ARMH4: variants seen among roughly 807,000 people sequenced by gnomAD.
The protein encoded by ARMH4 is armadillo-like helical domain-containing protein 4.
Under a neutral mutation model 61.9 loss-of-function variants are expected in ARMH4, and 49 were observed. The ratio of observed to expected loss-of-function variants is 0.79; its 90% confidence interval spans 0.63 to 1.00. The LOEUF is 1.00. Ranked by LOEUF, ARMH4 falls within the 50% of genes least tolerant of loss-of-function variation. The probability of loss-of-function intolerance (pLI) is 0.00; values close to 1 mark genes in which losing one functional copy is unlikely to be tolerated. For synonymous variants in ARMH4, 368 were observed against 341.5 expected (o/e 1.08, Z -0.85); for missense variants, 934 against 930.0 (o/e 1.00, Z -0.06).
intron 5 of ARMH4, among the ~76,000 whole-genome samples, chr14:58,082,895 C>G (rs6573188): frequency 0.43 from 65,991 of 151,950 alleles, 14,551 homozygotes; most frequent in Non-Finnish European, 0.46. Context: ...CTCCATCCAG[C>G]TGGGGTCATG....
intron 4 of ARMH4, chr14:58,116,423 C>A: frequency 2.5e-6 from 1 of 393,592 alleles, no homozygotes; most frequent in Non-Finnish European, 5.3e-6. Context: ...ACTTGTAATT[C>A]CAACACTTTG....
intron 5 of ARMH4, among the ~76,000 whole-genome samples, chr14:58,019,401 G>T (rs1056992306): frequency 6.6e-6 from 1 of 151,988 alleles, no homozygotes; most frequent in Non-Finnish European, 1.5e-5. Flanking sequence ...ATTTTTATTT[G>T]TCAATTAAAA....
At chr14:58,093,053 A>C (rs1885627578) in intron 5 of ARMH4, among the ~76,000 whole-genome samples, 1 of 152,000 alleles carries the variant, frequency 6.6e-6, no homozygotes, top group African/African-American at 2.4e-5. Flanking sequence ...GTAATGAGGG[A>C]GTTCTCACAA....
At position 58,139,293 on chromosome 14, in the gene ARMH4, G is replaced by A. The variant is rs1410733453; in HGVS notation, c.66C>T (p.Ala22=). ...TTTTGGGGAAGGCCAGACATTGTGT[G>A]GCAACGCTGAAAAGCAGAAGGCTAC... The part of the protein sequence containing the change: ...AFCSLLLFSV[A]TQCLAFPKIE... Residue 22 remains alanine (A), a synonymous_variant, in exon 2 of 8, where the codon GCC becomes GCT. Transcript: ENST00000267485. 1 of 1,614,160 alleles carries A rather than the reference G, an allele frequency of 6.2e-7. No individual in the cohort carries two copies. Among genetic ancestry groups the A allele is most frequent in the Non-Finnish European group, 8.5e-7 (1 of 1,180,020 alleles).
intron 4 of ARMH4, among the ~76,000 whole-genome samples, chr14:58,113,567 T>C (rs1023065855): frequency 6.6e-6 from 1 of 152,118 alleles, no homozygotes; most frequent in Non-Finnish European, 1.5e-5. Context: ...ATTACCACTA[T>C]GAATCCTATC....
intron 3 of ARMH4, among the ~76,000 whole-genome samples, chr14:58,132,459 C>T (rs181522412): frequency 6.8e-6 from 1 of 148,000 alleles, no homozygotes; most frequent in Non-Finnish European, 1.5e-5. Context: ...TTTTTCACCT[C>T]ATCCCCCCCG....
rs568813656 is a variant in ARMH4, at chr14:58,098,401, G to T, written c.1832-1420C>A. On this transcript the variant is annotated intron_variant, in intron 4 of 7. Coordinates refer to ENST00000267485, the MANE Select transcript of ARMH4 (RefSeq NM_001001872.4). ...GCAATAACGTCTCTGCCTTCGTGGA[G>T]CCCATGTGCCACCCAGGGAGACTCA... Among the ~76,000 whole-genome samples, 101 of 152,282 alleles carry T rather than the reference G, an allele frequency of 6.6e-4. No homozygotes were observed. The South Asian group carries it at 0.018, about 27-fold the overall frequency.
intron 5 of ARMH4, among the ~76,000 whole-genome samples, chr14:58,069,526 G>A (rs1428504710): frequency 6.6e-6 from 1 of 152,188 alleles, no homozygotes; most frequent in African/African-American, 2.4e-5. Context: ...GGTAGGCCAA[G>A]GGAGAAGTTG....
At chr14:58,034,179 A>G (rs1883377526) in intron 5 of ARMH4, among the ~76,000 whole-genome samples, 1 of 137,736 alleles carries the variant, frequency 7.3e-6, no homozygotes, top group Non-Finnish European at 1.6e-5. Context: ...CTCAAAGGAA[A>G]GCCCATCAGA....
chr14:58,115,019 G>T (rs910414501), intron 4 of ARMH4, among the ~76,000 whole-genome samples: 1 of 152,072 alleles, frequency 6.6e-6, no homozygotes, highest in Non-Finnish European at 1.5e-5. Context: ...AACCATTCTG[G>T]ACATTGGCCT....
At chr14:58,048,267 G>A (rs548095808) in intron 5 of ARMH4, among the ~76,000 whole-genome samples, 18 of 152,142 alleles carry the variant, frequency 1.2e-4, no homozygotes, top group Non-Finnish European at 2.5e-4. Context: ...CATCTGCCAG[G>A]CCTATAAATG....
rs34146606 is a variant in ARMH4 at position 58,061,977 on chromosome 14, T to TAA, written c.2089+34745_2089+34746dup. Among the ~76,000 whole-genome samples the TAA allele has an allele frequency of 5.7e-3, 835 of 145,618 alleles. 6 individuals are homozygous for TAA. Among genetic ancestry groups the TAA allele is most frequent in the African/African-American group, 0.018 (721 of 39,514 alleles). On this transcript the variant is annotated intron_variant, in intron 5 of 7. Transcript: ENST00000267485. Reference sequence around the variant, plus strand: ...AGGTCAGATTTACCCATTTTATCTTTAAAAAAAAAAAAGCAAACAAAAACA... The same window carrying TAA: ...AGGTCAGATTTACCCATTTTATCTTTAAAAAAAAAAAAAAGCAAACAAAAACA...
At chr14:58,019,288 A>C (rs1436256680) in intron 5 of ARMH4, among the ~76,000 whole-genome samples, 4 of 152,186 alleles carry the variant, frequency 2.6e-5, no homozygotes, top group Non-Finnish European at 4.4e-5. Flanking sequence ...GTGAGGTAAG[A>C]CTAAGTATGT....
chr14:58,045,922 C>G (rs1883921167), intron 5 of ARMH4, among the ~76,000 whole-genome samples: 1 of 152,084 alleles, frequency 6.6e-6, no homozygotes, highest in Non-Finnish European at 1.5e-5. Flanking sequence ...ATCTACAAGT[C>G]AAGAAACACC....
chr14:58,032,867 G>A (rs372420954), intron 5 of ARMH4, among the ~76,000 whole-genome samples: 10 of 152,112 alleles, frequency 6.6e-5, no homozygotes, highest in African/African-American at 1.9e-4. Context: ...GGCGCACCAC[G>A]AGACTATATA....
rs1209233802 is a variant in ARMH4, at chr14:58,036,906, C to T, written c.2090-24756G>A. ...CTGCTCAAGGAAATAAAAGAGGACA[C>T]AAACAAATGGAAGAACGTTCCATGC... On this transcript the variant is annotated intron_variant, in intron 5 of 7. Transcript: ENST00000267485. Among the ~76,000 whole-genome samples the T allele has an allele frequency of 1.8e-4, 23 of 124,948 alleles. 4 individuals carry two copies. The highest frequency in any genetic ancestry group is 7.2e-5 in the Non-Finnish European group (4 of 55,628). 82.0% of individuals were successfully genotyped at this position (124,948 alleles called of 152,430 possible).
At chr14:58,132,167 C>A (rs1887131880) in intron 3 of ARMH4, among the ~76,000 whole-genome samples, 1 of 152,110 alleles carries the variant, frequency 6.6e-6, no homozygotes, top group Non-Finnish European at 1.5e-5. Context: ...TTAAAAGCAG[C>A]CAAATATAGC....
At chr14:58,095,778 C>T (rs186501897) in intron 5 of ARMH4, among the ~76,000 whole-genome samples, 2 of 152,330 alleles carry the variant, frequency 1.3e-5, no homozygotes, top group East Asian at 3.9e-4. Context: ...CCCAGACCAA[C>T]TTACAAGTTT....
intron 4 of ARMH4, among the ~76,000 whole-genome samples, chr14:58,128,074 T>C (rs1886961786): frequency 6.6e-6 from 1 of 152,156 alleles, no homozygotes; most frequent in African/African-American, 2.4e-5. Flanking sequence ...CCATCTTCCA[T>C]GGGGGTATAC....
Sources: allele counts gnomAD v4.1 joint callset (sites outside exome capture counted in the v4.1 genomes callset), GRCh38; gene constraint gnomAD v4.1.1; transcripts MANE v1.5; gene names NCBI Gene and HGNC (gene_info 2026-07-23, HGNC 2026-07-21).